The following OXR1 variants were observed in gnomAD, a reference collection of about 807,000 sequenced individuals.
OXR1 encodes the protein oxidation resistance 1.
Under a neutral mutation model 104.6 loss-of-function variants are expected in OXR1, and 41 were observed. The ratio of observed to expected loss-of-function variants is 0.39; its 90% CI spans 0.31 to 0.51. OXR1 has a LOEUF of 0.51. OXR1 is among the 20% of genes least tolerant of loss of function. The pLI is 0.77. For missense variants in OXR1, 955 were observed against 1,031.9 expected (o/e 0.93, Z 1.02); for synonymous variants, 348 against 348.4 (o/e 1.00, Z 0.01).
chr8:106,469,058 T>C (rs1821346081), intron 2 of OXR1, among the ~76,000 whole-genome samples: 1 of 151,752 alleles, frequency 6.6e-6, no homozygotes, highest in African/African-American at 2.4e-5. Flanking sequence ...AGTATATGTA[T>C]AGCTATCTTC....
rs530694251 is a variant in OXR1 at position 106,377,160 on chromosome 8, G to A, written c.23+17524G>A. ...AACTATAGGTTATTTCAGTACTTCA[G>A]AAATGCATTTTTGGGATAATACACA... On this transcript the variant is annotated intron_variant, in intron 2 of 16. Coordinates refer to ENST00000517566, the MANE Select transcript of OXR1 (RefSeq NM_001198533.2). Among the ~76,000 whole-genome samples the A allele has an allele frequency of 2.1e-4, 32 of 152,220 alleles. No homozygotes were observed. The South Asian group carries it at 6.0e-3, about 29-fold the overall frequency.
chr8:106,626,276 A>T (rs1043330011), intron 3 of OXR1, among the ~76,000 whole-genome samples: 2 of 151,838 alleles, frequency 1.3e-5, no homozygotes, highest in Non-Finnish European at 2.9e-5. Flanking sequence ...TATTAACTAA[A>T]AAGCCGTTTC....
At chr8:106,430,014 G>C (rs992448939) in intron 2 of OXR1, among the ~76,000 whole-genome samples, 2 of 152,020 alleles carry the variant, frequency 1.3e-5, no homozygotes, top group Non-Finnish European at 2.9e-5. Flanking sequence ...AAGAATAGAA[G>C]GATTTCTGTA....
Position 106,740,712 on chromosome 8 carries a change from G to GT in OXR1, c.2316+218dup, listed in dbSNP as rs577293798. ...CTGCCTTCAAAGGGATTATAGAGTG[G>GT]TAGAAAAGAACATTTGCACATACCA... On this transcript the variant is annotated intron_variant, in intron 14 of 16. Coordinates refer to ENST00000517566, the MANE Select transcript of OXR1 (RefSeq NM_001198533.2). 7.9e-5 allele frequency among the ~76,000 whole-genome samples: 12 copies of GT among 152,252 alleles called. No individual in the cohort carries two copies. In the East Asian group the frequency reaches 2.3e-3, roughly 29 times the overall value.
At chr8:106,742,481 A>G (rs1309461790) in intron 15 of OXR1, 164 bp downstream of exon 15, 4 of 519,992 alleles carry the variant, frequency 7.7e-6, no homozygotes, top group Admixed American at 7.4e-5. Context: ...AAAGAGCCCA[A>G]ATAGCCAAGA....
chr8:106,715,683 A>T (rs76899656), intron 11 of OXR1, among the ~76,000 whole-genome samples: 1 of 152,138 alleles, frequency 6.6e-6, no homozygotes, highest in African/African-American at 2.4e-5. Context: ...GGCACGGTGG[A>T]TGGCAGAATT....
intron 1 of OXR1, among the ~76,000 whole-genome samples, chr8:106,334,083 C>A (rs1336510151): frequency 2.0e-5 from 3 of 152,160 alleles, no homozygotes; most frequent in East Asian, 1.9e-4. Flanking sequence ...AACATTAATT[C>A]TTCGAAACCA....
chr8:106,585,096 C>A (rs1292338181), intron 3 of OXR1, among the ~76,000 whole-genome samples: 2 of 152,002 alleles, frequency 1.3e-5, no homozygotes, highest in Admixed American at 6.6e-5. Flanking sequence ...ATGGTTATTC[C>A]TTCATCATCT....
At chr8:106,699,019 A>T (rs924680371) in intron 7 of OXR1, among the ~76,000 whole-genome samples, 3 of 152,084 alleles carry the variant, frequency 2.0e-5, no homozygotes, top group Admixed American at 6.6e-5. Context: ...TCTTGATCCT[A>T]TTGTGGCTTT....
At chr8:106,523,855 A>C (rs139338001) in intron 3 of OXR1, among the ~76,000 whole-genome samples, 1 of 151,756 alleles carries the variant, frequency 6.6e-6, no homozygotes, top group East Asian at 1.9e-4. Flanking sequence ...GCTCACTGCA[A>C]GCTCTACCTC....
rs554550479 is a variant in OXR1 at position 106,412,584 on chromosome 8, T to C, written c.23+52948T>C. 3.6e-5 allele frequency among the ~76,000 whole-genome samples: 5 copies of C among 140,036 alleles called. No individual in the cohort carries two copies. In the East Asian group the frequency reaches 1.0e-3, roughly 29 times the overall value. 91.9% of individuals were successfully genotyped at this position (140,036 alleles called of 152,430 possible). On this transcript the variant is annotated intron_variant, in intron 2 of 16. Coordinates refer to ENST00000517566, the MANE Select transcript of OXR1 (RefSeq NM_001198533.2). ...ACAGAAAGTTCCGGAACAACCATTATCATTTTTCAAGGTGGAGTGAGTACG... is the reference window on the plus strand; with the variant it reads ...ACAGAAAGTTCCGGAACAACCATTACCATTTTTCAAGGTGGAGTGAGTACG...
intron 3 of OXR1, among the ~76,000 whole-genome samples, chr8:106,572,664 A>C (rs1295619996): frequency 6.6e-6 from 1 of 152,172 alleles, no homozygotes; most frequent in Admixed American, 6.5e-5. Context: ...TTGCTTCTAC[A>C]TGACAAAAAC....
At chr8:106,591,724 C>T (rs1819108146) in intron 3 of OXR1, among the ~76,000 whole-genome samples, 1 of 152,206 alleles carries the variant, frequency 6.6e-6, no homozygotes, top group Non-Finnish European at 1.5e-5. Flanking sequence ...GGTCCCATGA[C>T]TGTTTCCCAG....
chr8:106,682,299 C>T (rs1212658199), intron 4 of OXR1, among the ~76,000 whole-genome samples: 4 of 135,530 alleles, frequency 3.0e-5, no homozygotes, highest in South Asian at 2.3e-4. Flanking sequence ...GACAGAGTCT[C>T]GCCCTGTCGC....
intron 3 of OXR1, among the ~76,000 whole-genome samples, chr8:106,587,688 A>G (rs954433767): frequency 2.0e-5 from 3 of 152,176 alleles, no homozygotes; most frequent in African/African-American, 7.2e-5. Flanking sequence ...GTGCCTGAAT[A>G]AACTATGTAG....
intron 2 of OXR1, among the ~76,000 whole-genome samples, chr8:106,509,060 T>C (rs1812355808): frequency 6.6e-6 from 1 of 152,212 alleles, no homozygotes; most frequent in Non-Finnish European, 1.5e-5. Context: ...AATAGTCATA[T>C]TTATTCTGAT....
intron 3 of OXR1, among the ~76,000 whole-genome samples, chr8:106,631,880 T>C (rs1231024490): frequency 1.3e-5 from 2 of 152,194 alleles, no homozygotes; most frequent in East Asian, 3.8e-4. Context: ...AGAAAATTGC[T>C]ATGTCTGCTA....
chr8:106,694,669 TTTATATATTTAATATATAAATATATG>T lies in OXR1; in HGVS notation c.675+1795_675+1820del, dbSNP rs1390310696. Among the ~76,000 whole-genome samples the T allele has an allele frequency of 6.2e-4, 70 of 112,064 alleles. 2 individuals carry two copies. The highest frequency in any genetic ancestry group is 3.9e-3 in the Admixed American group (35 of 8,982). 73.5% of individuals were successfully genotyped at this position (112,064 alleles called of 152,430 possible). ...TATATATTTGATATATAAATATATG[TTTATATATTTAATATATAAATATATG>T]TTTATATATTTAATATATAAATATA... On this transcript the variant is annotated intron_variant, in intron 7 of 16. Coordinates refer to ENST00000517566, the MANE Select transcript of OXR1 (RefSeq NM_001198533.2).
At chr8:106,636,437 G>T (rs1226698955) in intron 3 of OXR1, among the ~76,000 whole-genome samples, 1 of 151,894 alleles carries the variant, frequency 6.6e-6, no homozygotes, top group Admixed American at 6.6e-5. Context: ...ATATTTTGTG[G>T]CTCCTTCCTA....
Sources: gnomAD v4.1 joint callset for allele counts (sites outside exome capture counted in the v4.1 genomes callset) on GRCh38, gnomAD v4.1.1 for gene constraint, MANE v1.5 for transcripts, NCBI Gene and HGNC (gene_info 2026-07-23, HGNC 2026-07-21) for gene names.